Variants in AK8 observed in about 807,000 individuals in gnomAD.
AK8 encodes adenylate kinase 8, also known as ATP-AMP transphosphorylase 8.
A neutral mutation model predicts 54.6 loss-of-function variants in AK8; 44 were observed. The ratio of observed to expected loss-of-function variants is 0.81; its 90% CI spans 0.63 to 1.04. AK8 has a LOEUF of 1.04. Among genes scored for constraint, AK8 ranks in the 50% least tolerant of loss-of-function variants. The pLI, the probability that AK8 is intolerant of heterozygous loss-of-function variation, is 0.00. For synonymous variants in AK8, 239 were observed against 245.6 expected, an observed-to-expected ratio of 0.97 and a Z score of 0.25; for missense variants, 555 against 613.6, an observed-to-expected ratio of 0.90 and a Z score of 1.01.
chr9:132,850,272 T>C (rs1842921776), intron 5 of AK8, among the ~76,000 whole-genome samples: 1 of 140,460 alleles, frequency 7.1e-6, no homozygotes. Flanking sequence ...CAGGCTGGAG[T>C]GCAATGGCAT....
At chr9:132,792,991 C>T (rs1011526305) in intron 10 of AK8, among the ~76,000 whole-genome samples, 1 of 152,198 alleles carries the variant, frequency 6.6e-6, no homozygotes, top group Non-Finnish European at 1.5e-5. Flanking sequence ...ACTGGCTGAC[C>T]TTGACCTCGG....
At chr9:132,778,924 A>T (rs191136581) in intron 11 of AK8, among the ~76,000 whole-genome samples, 1,703 of 150,368 alleles carry the variant, frequency 0.011, 17 homozygotes, top group Middle Eastern at 0.044. Context: ...ACAAAAGGGC[A>T]ATTTTGTCTT....
At chr9:132,817,234 G>A (rs1388943245) in intron 9 of AK8, among the ~76,000 whole-genome samples, 1 of 152,194 alleles carries the variant, frequency 6.6e-6, no homozygotes, top group Non-Finnish European at 1.5e-5. Flanking sequence ...GCTTCAGTAG[G>A]ATGGAGTTAA....
chr9:132,831,562 G>A (rs570152808), intron 5 of AK8, among the ~76,000 whole-genome samples: 2 of 152,174 alleles, frequency 1.3e-5, no homozygotes, highest in Non-Finnish European at 2.9e-5. Flanking sequence ...AGGAAGCGGG[G>A]TCAGGCAACT....
At chr9:132,850,087 T>G (rs1261842089) in intron 5 of AK8, among the ~76,000 whole-genome samples, 1 of 135,636 alleles carries the variant, frequency 7.4e-6, no homozygotes, top group African/African-American at 2.8e-5. Flanking sequence ...AGGGTCTCAC[T>G]CTGTCACCCA....
chr9:132,843,397 A>G (rs146137282), intron 5 of AK8, among the ~76,000 whole-genome samples: 4,453 of 152,286 alleles, frequency 0.029, 131 homozygotes, highest in Middle Eastern at 0.048. Context: ...AGCAGAGCAG[A>G]TGCCAGCACC....
At chr9:132,797,832 T>G (rs1036372410) in intron 10 of AK8, among the ~76,000 whole-genome samples, 1 of 152,218 alleles carries the variant, frequency 6.6e-6, no homozygotes, top group African/African-American at 2.4e-5. Context: ...CTCTCCCTTT[T>G]GGGGGACCTG....
At chr9:132,800,919 CTTTTTTTTTTTT>C (rs34462868) in intron 10 of AK8, among the ~76,000 whole-genome samples, 50 of 123,810 alleles carry the variant, frequency 4.0e-4, no homozygotes, top group African/African-American at 1.5e-3. Flanking sequence ...TCAGTTTGTC[CTTTTTTTTTTTT>C]TTTTTTTTGA....
chr9:132,868,312 T>C (rs544729845), intron 2 of AK8, among the ~76,000 whole-genome samples: 25 of 152,332 alleles, frequency 1.6e-4, no homozygotes, highest in Middle Eastern at 6.8e-3. Context: ...TGGGTTTAAA[T>C]AGATCTTTGC....
intron 11 of AK8, among the ~76,000 whole-genome samples, chr9:132,760,220 G>A (rs1436271546): frequency 6.6e-6 from 1 of 150,692 alleles, no homozygotes; most frequent in Non-Finnish European, 1.5e-5. Context: ...GTCTTGCTGT[G>A]TTGCCCAGGC....
chr9:132,815,107 C>T (rs1841267589), intron 9 of AK8, among the ~76,000 whole-genome samples: 1 of 152,218 alleles, frequency 6.6e-6, no homozygotes, highest in Admixed American at 6.5e-5. Context: ...TGGCCGGGGG[C>T]TGCTCATCTC....
rs536623259 is a variant in AK8, at chr9:132,798,938, T to C, written c.980-6163A>G. Among the ~76,000 whole-genome samples, 12 of 152,252 alleles carry C rather than the reference T, an allele frequency of 7.9e-5. No homozygotes were observed. The East Asian group carries it at 9.7e-4, about 12-fold the overall frequency. ...TCCTGTCTAAAGGCCCAGGATCCCATTGGGCTCCCTCCCGCACAGCAGTTC... is the reference window on the plus strand; with the variant it reads ...TCCTGTCTAAAGGCCCAGGATCCCACTGGGCTCCCTCCCGCACAGCAGTTC... On this transcript the variant is annotated intron_variant, in intron 10 of 12. Coordinates refer to ENST00000298545, the MANE Select transcript of AK8 (RefSeq NM_152572.3).
At position 132,823,300 on chromosome 9, in the gene AK8, G is replaced by A. The variant is rs764466305; in HGVS notation, c.794C>T (p.Ala265Val). 2 of 1,613,798 alleles carry A rather than the reference G, an allele frequency of 1.2e-6. No homozygotes were observed. The part of the protein sequence containing the change: ...TYVQSNHRTN[A>V]PFTPRVLLLG... ...CAGCAGCACCCTCGGGGTGAACGGG[G>A]CATTAGTACGATGGTTGCTTTGGAC... The change falls in exon 9 of 13, where the codon GCC becomes GTC. Residue 265 changes from alanine (A) to valine (V), a missense_variant. Physicochemically the swap from Ala to Val is moderately conservative, Grantham distance 64 (BLOSUM62 0). Coordinates refer to ENST00000298545, the MANE Select transcript of AK8 (RefSeq NM_152572.3).
rs962931063 is a variant in AK8 at position 132,727,434 on chromosome 9, A to T, written c.1202+20T>A. ...CCTGGCAGTCCCCAGACTGCCAACCACCAGGAACACAGCACAAACCTTTCC... is the reference window on the plus strand; with the variant it reads ...CCTGGCAGTCCCCAGACTGCCAACCTCCAGGAACACAGCACAAACCTTTCC... On this transcript the variant is annotated intron_variant, in intron 12 of 12. Coordinates refer to ENST00000298545, the MANE Select transcript of AK8 (RefSeq NM_152572.3). The T allele has an allele frequency of 4.3e-6, 7 of 1,613,452 alleles. No homozygotes were observed. The highest frequency in any genetic ancestry group is 5.9e-6 in the Non-Finnish European group (7 of 1,179,414).
At chr9:132,756,398 C>T (rs570763754) in intron 11 of AK8, among the ~76,000 whole-genome samples, 3 of 152,360 alleles carry the variant, frequency 2.0e-5, no homozygotes, top group Non-Finnish European at 2.9e-5. Context: ...AGCTTGGCTC[C>T]GAAGCCAGGC....
chr9:132,835,880 T>G (rs911652947), intron 5 of AK8, among the ~76,000 whole-genome samples: 2 of 152,070 alleles, frequency 1.3e-5, no homozygotes, highest in Non-Finnish European at 2.9e-5. Flanking sequence ...TCCCAGCACT[T>G]TGGGAGGCCG....
intron 11 of AK8, among the ~76,000 whole-genome samples, chr9:132,752,544 C>T (rs924720357): frequency 4.6e-5 from 7 of 152,186 alleles, no homozygotes; most frequent in African/African-American, 9.7e-5. Context: ...CCACTGCACC[C>T]GGCCTACATT....
chr9:132,869,562 G>T (rs1215083284), intron 2 of AK8, among the ~76,000 whole-genome samples: 1 of 152,226 alleles, frequency 6.6e-6, no homozygotes, highest in Non-Finnish European at 1.5e-5. Flanking sequence ...AGCTAGGAAG[G>T]TGTTTTCAGC....
At chr9:132,832,147 TAAAAAAAAAAA>T (rs11284702) in intron 5 of AK8, among the ~76,000 whole-genome samples, 71 of 105,378 alleles carry the variant, frequency 6.7e-4, no homozygotes, top group African/African-American at 2.6e-3. Context: ...CACTGACATT[TAAAAAAAAAAA>T]AAAAAAAAAC....
Sources: gnomAD v4.1 joint callset for allele counts (sites outside exome capture counted in the v4.1 genomes callset) on GRCh38, gnomAD v4.1.1 for gene constraint, MANE v1.5 for transcripts, NCBI Gene and HGNC (gene_info 2026-07-23, HGNC 2026-07-21) for gene names.